Variants in ITCH observed in about 807,000 individuals in gnomAD.
ITCH encodes the protein E3 ubiquitin-protein ligase Itchy homolog.
ITCH carries 28 observed loss-of-function variants against 126.8 expected under a neutral mutation model. The ratio of observed to expected loss-of-function variants is 0.22; its 90% CI spans 0.16 to 0.30. The LOEUF is 0.30. Ranked by LOEUF, ITCH falls within the 10% of genes least tolerant of loss-of-function variation. ITCH has a pLI of 1.00. For missense variants in ITCH, 631 were observed against 1,032.4 expected, an observed-to-expected ratio of 0.61 and a Z score of 5.33; for synonymous variants, 342 against 340.0, an observed-to-expected ratio of 1.01 and a Z score of -0.06.
At chr20:34,458,565 A>G (rs557188159) in intron 13 of ITCH, among the ~76,000 whole-genome samples, 1 of 152,348 alleles carries the variant, frequency 6.6e-6, no homozygotes, top group East Asian at 1.9e-4. Context: ...TGCTTAAACC[A>G]TAGAAATGTA....
intron 13 of ITCH, among the ~76,000 whole-genome samples, chr20:34,459,121 C>T (rs1182477107): frequency 6.6e-6 from 1 of 152,088 alleles, no homozygotes; most frequent in African/African-American, 2.4e-5. Context: ...TTGGGGGCCC[C>T]CACCACCACT....
chr20:34,435,554 G>A (rs1340322085), intron 7 of ITCH, among the ~76,000 whole-genome samples: 3 of 152,100 alleles, frequency 2.0e-5, no homozygotes, highest in Non-Finnish European at 2.9e-5. Flanking sequence ...TCTTTACTGG[G>A]CCCAGTGGAA....
intron 2 of ITCH, among the ~76,000 whole-genome samples, chr20:34,381,361 C>T (rs1469347541): frequency 2.0e-5 from 3 of 151,780 alleles, no homozygotes; most frequent in Non-Finnish European, 2.9e-5. Flanking sequence ...CAGCTCACTG[C>T]AGCCTCCACC....
intron 7 of ITCH, among the ~76,000 whole-genome samples, chr20:34,430,510 G>A (rs1293379745): frequency 6.6e-6 from 1 of 152,004 alleles, no homozygotes; most frequent in Non-Finnish European, 1.5e-5. Context: ...GTTTTGCTCT[G>A]TCGCCCAGAT....
chr20:34,437,152 A>T (rs1182992104), intron 7 of ITCH, among the ~76,000 whole-genome samples: 1 of 152,108 alleles, frequency 6.6e-6, no homozygotes, highest in Non-Finnish European at 1.5e-5. Flanking sequence ...AAAAGAAAAA[A>T]ACTATGTGAG....
intron 2 of ITCH, among the ~76,000 whole-genome samples, chr20:34,371,309 G>A (rs1359773375): frequency 7.2e-6 from 1 of 139,318 alleles, no homozygotes; most frequent in East Asian, 2.1e-4. Context: ...TTTTGAGATG[G>A]AGCCTTCCCC....
chr20:34,370,434 T>TGGGCGGATCA (rs2037578330), intron 2 of ITCH, among the ~76,000 whole-genome samples: 1 of 151,956 alleles, frequency 6.6e-6, no homozygotes, highest in South Asian at 2.1e-4. Context: ...GAGGCCAAGG[T>TGGGCGGATCA]GGGCGGATCA....
At chr20:34,418,441 G>A (rs2146198162) in intron 6 of ITCH, among the ~76,000 whole-genome samples, 1 of 151,820 alleles carries the variant, frequency 6.6e-6, no homozygotes, top group South Asian at 2.1e-4. Context: ...TGTTATGTTA[G>A]GCTCTAGTTT....
intron 20 of ITCH, 91 bp from the exon 21 acceptor site, chr20:34,489,175 T>G: frequency 8.9e-7 from 1 of 1,124,000 alleles, no homozygotes; most frequent in Non-Finnish European, 1.3e-6. Flanking sequence ...TATTTTAAGT[T>G]TTTTATAATT....
intron 3 of ITCH, among the ~76,000 whole-genome samples, chr20:34,394,983 G>A (rs35119422): frequency 6.6e-6 from 1 of 152,054 alleles, no homozygotes; most frequent in Admixed American, 6.6e-5. Context: ...TGTAATCCTA[G>A]CACTTTGGGA....
rs76349853 is a variant in ITCH at position 34,386,102 on chromosome 20, T to G, written c.-21-7689T>G. Among the ~76,000 whole-genome samples the G allele has an allele frequency of 7.8e-3, 1,187 of 152,144 alleles. 14 individuals are homozygous for G. The highest frequency in any genetic ancestry group is 0.026 in the African/African-American group (1,097 of 41,498). On this transcript the variant is annotated intron_variant, in intron 2 of 24. Transcript: ENST00000374864. ...ACCAAAGTCGGCTCCTTTGTTTTTTTTTTTGTTTTGTTTTGTTTTTTTGAG... is the reference window on the plus strand; with the variant it reads ...ACCAAAGTCGGCTCCTTTGTTTTTTGTTTTGTTTTGTTTTGTTTTTTTGAG...
chr20:34,494,882 C>A (rs1347388149), intron 23 of ITCH, among the ~76,000 whole-genome samples: 1 of 152,060 alleles, frequency 6.6e-6, no homozygotes, highest in African/African-American at 2.4e-5. Context: ...TCACTTGAGC[C>A]TTGGAGGTGA....
At chr20:34,486,219 A>G (rs1047809580) in intron 20 of ITCH, among the ~76,000 whole-genome samples, 6 of 151,668 alleles carry the variant, frequency 4.0e-5, no homozygotes, top group East Asian at 1.9e-4. Flanking sequence ...GGGTCTTACT[A>G]TGTTACCCAG....
chr20:34,366,744 C>T (rs190306115), intron 1 of ITCH, among the ~76,000 whole-genome samples: 3 of 151,790 alleles, frequency 2.0e-5, no homozygotes, highest in African/African-American at 2.4e-5. Context: ...GCAGATTTTT[C>T]GACAGGGAAA....
chr20:34,400,881 C>T (rs374305394), intron 3 of ITCH, among the ~76,000 whole-genome samples: 3 of 152,022 alleles, frequency 2.0e-5, no homozygotes, highest in African/African-American at 4.8e-5. Context: ...CCTCAGCCTC[C>T]CCAGTAGCTG....
At chr20:34,475,209 G>A (rs1213833975) in intron 16 of ITCH, among the ~76,000 whole-genome samples, 4 of 151,682 alleles carry the variant, frequency 2.6e-5, no homozygotes, top group African/African-American at 4.8e-5. Context: ...CATCCCAGAC[G>A]ATGGGCGGCC....
chr20:34,505,559 CTT>C (rs35469496), intron 24 of ITCH, among the ~76,000 whole-genome samples: 1 of 147,552 alleles, frequency 6.8e-6, no homozygotes. Flanking sequence ...AAATATATAA[CTT>C]TTTTTTTTTT....
intron 1 of ITCH, among the ~76,000 whole-genome samples, chr20:34,365,314 C>G (rs931909954): frequency 6.6e-6 from 1 of 152,100 alleles, no homozygotes; most frequent in African/African-American, 2.4e-5. Flanking sequence ...GCATACAGGT[C>G]AAGTCACCAA....
intron 7 of ITCH, among the ~76,000 whole-genome samples, chr20:34,427,048 A>G (rs1601873954): frequency 6.6e-6 from 1 of 152,210 alleles, no homozygotes; most frequent in Admixed American, 6.5e-5. Flanking sequence ...TGCTGGGATT[A>G]CAGGCATGAG....
Sources: allele counts gnomAD v4.1 joint callset (sites outside exome capture counted in the v4.1 genomes callset), GRCh38; gene constraint gnomAD v4.1.1; transcripts MANE v1.5; gene names NCBI Gene and HGNC (gene_info 2026-07-23, HGNC 2026-07-21).